LUZP2: variants seen among roughly 807,000 people sequenced by gnomAD.
LUZP2 encodes the protein leucine zipper protein 2.
LUZP2 carries 52 observed loss-of-function variants against 51.6 expected under a neutral mutation model. That is an observed-to-expected ratio of 1.01 (90% CI 0.81 to 1.27). The LOEUF (loss-of-function observed/expected upper bound fraction) is 1.27. Ranked by LOEUF, LUZP2 falls within the 50% of genes most tolerant of loss-of-function variation. The pLI is 0.00. For missense variants in LUZP2, 436 were observed against 395.4 expected, an observed-to-expected ratio of 1.10 and a Z score of -0.87; for synonymous variants, 154 against 137.3, an observed-to-expected ratio of 1.12 and a Z score of -0.85.
chr11:24,933,440 C>G (rs1264493137), intron 7 of LUZP2, among the ~76,000 whole-genome samples: 1 of 152,134 alleles, frequency 6.6e-6, no homozygotes, highest in Admixed American at 6.5e-5. Context: ...TTTATGACTA[C>G]AAAACTTCAA....
intron 1 of LUZP2, among the ~76,000 whole-genome samples, chr11:24,550,492 T>G (rs1851693555): frequency 6.6e-6 from 1 of 152,048 alleles, no homozygotes. Context: ...TTCTACCTGT[T>G]TTTTGAAGTA....
At chr11:24,737,227 A>G (rs762323735) in intron 3 of LUZP2, among the ~76,000 whole-genome samples, 4 of 152,090 alleles carry the variant, frequency 2.6e-5, no homozygotes, top group Non-Finnish European at 5.9e-5. Context: ...GCACAAACCT[A>G]TAAGTTAGTT....
chr11:25,030,915 G>T (rs900050176), intron 9 of LUZP2, among the ~76,000 whole-genome samples: 719 of 7,880 alleles, frequency 0.091, 50 homozygotes, highest in African/African-American at 0.38. Flanking sequence ...AATATATATT[G>T]TATTATATAT....
Position 25,011,739 on chromosome 11 carries a change from A to C in LUZP2, c.765+28446A>C, listed in dbSNP as rs187745747. Among the ~76,000 whole-genome samples, 773 of 152,208 alleles carry C rather than the reference A, an allele frequency of 5.1e-3. 9 individuals are homozygous for C. Among genetic ancestry groups the C allele is most frequent in the African/African-American group, 0.017 (705 of 41,574 alleles). On this transcript the variant is annotated intron_variant, in intron 9 of 11. Coordinates refer to ENST00000336930, the MANE Select transcript of LUZP2 (RefSeq NM_001009909.4). Reference sequence around the variant, plus strand: ...ATAATATTTTACATATTTATGAGGCACATGTGATATTTTGTTGCAAACATA... The same window carrying C: ...ATAATATTTTACATATTTATGAGGCCCATGTGATATTTTGTTGCAAACATA...
In LUZP2 at chr11:24,583,982, G is replaced by C. The variant is rs369060151; in HGVS notation, c.62+86677G>C. Among the ~76,000 whole-genome samples, 43 of 152,044 alleles carry C rather than the reference G, an allele frequency of 2.8e-4. No homozygotes were observed. In the East Asian group the frequency reaches 3.9e-3, roughly 14 times the overall value. ...CGGTCTCGGCCTCCCAAAGTGCTGA[G>C]ATTACAGGCGTGAGCCACCGCGCCT... On this transcript the variant is annotated intron_variant, in intron 1 of 11. Coordinates refer to ENST00000336930, the MANE Select transcript of LUZP2 (RefSeq NM_001009909.4).
intron 1 of LUZP2, among the ~76,000 whole-genome samples, chr11:24,568,172 C>T (rs1027977689): frequency 1.3e-5 from 2 of 151,872 alleles, no homozygotes; most frequent in Admixed American, 1.3e-4. Flanking sequence ...CCAGCCTGGC[C>T]AAGATGGCGA....
At chr11:24,714,022 A>C (rs1427013425) in intron 1 of LUZP2, among the ~76,000 whole-genome samples, 3 of 151,766 alleles carry the variant, frequency 2.0e-5, no homozygotes, top group African/African-American at 7.3e-5. Context: ...AAAAAAGAAG[A>C]AAAAAATTAC....
chr11:24,854,068 A>G (rs1851477031), intron 5 of LUZP2, among the ~76,000 whole-genome samples: 2 of 152,166 alleles, frequency 1.3e-5, no homozygotes, highest in African/African-American at 2.4e-5. Flanking sequence ...CCCTGCTGGG[A>G]GATGTCTCCC....
intron 9 of LUZP2, among the ~76,000 whole-genome samples, chr11:25,002,935 T>G (rs1045085904): frequency 3.3e-5 from 5 of 152,138 alleles, no homozygotes; most frequent in African/African-American, 1.2e-4. Flanking sequence ...GGATCCATAG[T>G]CAGCAAAAGC....
At chr11:24,974,854 G>T (rs910896492) in intron 7 of LUZP2, among the ~76,000 whole-genome samples, 9 of 152,040 alleles carry the variant, frequency 5.9e-5, no homozygotes, top group Non-Finnish European at 1.0e-4. Flanking sequence ...AGGAAAGAAA[G>T]ATTGAGAAGG....
rs550197029 is a variant in LUZP2 at position 25,013,433 on chromosome 11, AAATT to A, written c.765+30150_765+30153del. Among the ~76,000 whole-genome samples, 195 of 152,264 alleles carry A rather than the reference AAATT, an allele frequency of 1.3e-3. 1 individual carries two copies. The highest frequency in any genetic ancestry group is 4.0e-3 in the African/African-American group (166 of 41,550). On this transcript the variant is annotated intron_variant, in intron 9 of 11. Transcript: ENST00000336930. ...TACCTTTATAAATTTTTACATATGAAAATTAATTAATTAGTTTAAAAAGCAGGCC... is the reference window on the plus strand; with the variant it reads ...TACCTTTATAAATTTTTACATATGAAAATTAATTAGTTTAAAAAGCAGGCC...
chr11:24,788,378 C>T (rs374795931), intron 5 of LUZP2, among the ~76,000 whole-genome samples: 34 of 151,336 alleles, frequency 2.2e-4, no homozygotes, highest in African/African-American at 7.8e-4. Context: ...TTAGTAGAGA[C>T]GGGGTTTCAC....
chr11:25,055,407 T>G (rs996298924), intron 10 of LUZP2, among the ~76,000 whole-genome samples: 1 of 152,174 alleles, frequency 6.6e-6, no homozygotes, highest in African/African-American at 2.4e-5. Flanking sequence ...AGTACTTTTC[T>G]CTTTTTCATA....
At chr11:24,607,673 A>C (rs1853974681) in intron 1 of LUZP2, among the ~76,000 whole-genome samples, 1 of 151,972 alleles carries the variant, frequency 6.6e-6, no homozygotes, top group South Asian at 2.1e-4. Flanking sequence ...GTGTGTGAAA[A>C]ATACTGTTGG....
At chr11:24,614,472 T>C (rs1169382446) in intron 1 of LUZP2, among the ~76,000 whole-genome samples, 1 of 152,036 alleles carries the variant, frequency 6.6e-6, no homozygotes, top group Non-Finnish European at 1.5e-5. Context: ...TGAAAAGCCT[T>C]TTATTATCAC....
chr11:25,056,863 G>A (rs745823456), intron 10 of LUZP2, among the ~76,000 whole-genome samples: 2 of 152,136 alleles, frequency 1.3e-5, no homozygotes, highest in Non-Finnish European at 2.9e-5. Context: ...CGCTTTGGGA[G>A]CCCAAGGTGG....
intron 5 of LUZP2, among the ~76,000 whole-genome samples, chr11:24,897,811 G>T (rs1304526146): frequency 6.6e-6 from 1 of 152,050 alleles, no homozygotes; most frequent in Non-Finnish European, 1.5e-5. Context: ...TTTTAATGGG[G>T]TTATTTATTT....
chr11:24,582,945 T>G (rs117693172), intron 1 of LUZP2, among the ~76,000 whole-genome samples: 1,651 of 152,290 alleles, frequency 0.011, 15 homozygotes, highest in Middle Eastern at 0.024. Flanking sequence ...AACAAGAGTC[T>G]AGAAGAGAGA....
At chr11:24,707,270 C>G (rs1359463594) in intron 1 of LUZP2, among the ~76,000 whole-genome samples, 1 of 149,064 alleles carries the variant, frequency 6.7e-6, no homozygotes, top group Non-Finnish European at 1.5e-5. Flanking sequence ...AGAGCTCACT[C>G]TTTCTATCTC....
Sources: allele counts gnomAD v4.1 joint callset (sites outside exome capture counted in the v4.1 genomes callset), GRCh38; gene constraint gnomAD v4.1.1; transcripts MANE v1.5; gene names NCBI Gene and HGNC (gene_info 2026-07-23, HGNC 2026-07-21).